Variants in CHN2 observed in about 807,000 individuals in gnomAD.
The protein encoded by CHN2 is beta-chimaerin.
A neutral mutation model predicts 56.3 loss-of-function variants in CHN2; 35 were observed. The ratio of observed to expected loss-of-function variants is 0.62; its 90% confidence interval spans 0.47 to 0.82. The LOEUF (loss-of-function observed/expected upper bound fraction) is 0.82, where lower values mean the gene tolerates loss of function less well. CHN2 is among the 40% of genes least tolerant of loss of function. CHN2 has a pLI of 0.00. For missense variants in CHN2, 491 were observed against 580.5 expected, an observed-to-expected ratio of 0.85 and a Z score of 1.58; for synonymous variants, 210 against 212.8, an observed-to-expected ratio of 0.99 and a Z score of 0.12.
At chr7:29,274,718 A>G (rs939643523) in intron 1 of CHN2, among the ~76,000 whole-genome samples, 1 of 152,186 alleles carries the variant, frequency 6.6e-6, no homozygotes, top group Non-Finnish European at 1.5e-5. Context: ...AACAAACAAA[A>G]CACAACACAT....
intron 2 of CHN2, among the ~76,000 whole-genome samples, chr7:29,366,203 G>A (rs1251370862): frequency 1.3e-5 from 2 of 152,174 alleles, no homozygotes; most frequent in Admixed American, 6.5e-5. Flanking sequence ...GGAGCTTAGA[G>A]GAGGGTTCTG....
intron 2 of CHN2, among the ~76,000 whole-genome samples, chr7:29,163,080 A>G (rs979876588): frequency 1.3e-5 from 2 of 152,208 alleles, no homozygotes; most frequent in African/African-American, 4.8e-5. Context: ...TGATGGATTC[A>G]TGGGATCTGT....
chr7:29,473,662 A>G (rs1045743991), intron 6 of CHN2, among the ~76,000 whole-genome samples: 2 of 151,910 alleles, frequency 1.3e-5, no homozygotes, highest in African/African-American at 4.8e-5. Context: ...ACTGAACCAG[A>G]AACTCTGGGG....
At chr7:29,304,343 A>G (rs1280096752) in intron 1 of CHN2, among the ~76,000 whole-genome samples, 1 of 152,180 alleles carries the variant, frequency 6.6e-6, no homozygotes, top group Non-Finnish European at 1.5e-5. Context: ...CTGAGAGTTA[A>G]GAAACCAAAA....
rs372378794 is a variant in CHN2 at position 29,273,767 on chromosome 7, T to TTGAATTAATGGGATTGAATGAA, written c.49+78778_49+78779insGAATTAATGGGATTGAATGAAT. On this transcript the variant is annotated intron_variant, in intron 1 of 12. Transcript: ENST00000222792. ...TTGTTTTACTTTACTGCAGCTCTGT[T>TTGAATTAATGGGATTGAATGAA]TAGTGTCTGAATTAATGGGAGGTGG... Among the ~76,000 whole-genome samples, 560 of 152,292 alleles carry TTGAATTAATGGGATTGAATGAA rather than the reference T, an allele frequency of 3.7e-3. 3 individuals carry two copies. Among genetic ancestry groups the TTGAATTAATGGGATTGAATGAA allele is most frequent in the African/African-American group, 0.012 (519 of 41,550 alleles).
chr7:29,195,961 T>TA (rs1158976763), intron 1 of CHN2, among the ~76,000 whole-genome samples: 2 of 152,176 alleles, frequency 1.3e-5, no homozygotes, highest in Non-Finnish European at 2.9e-5. Context: ...CCCAAAGGGA[T>TA]AGCTGATAAG....
chr7:29,335,707 G>C (rs1451700212), intron 1 of CHN2: 2 of 152,246 alleles, frequency 1.3e-5, no homozygotes, highest in East Asian at 3.8e-4. Context: ...TCTTTAATCA[G>C]ATCTGCCAGC....
At chr7:29,379,366 A>G (rs995933320) in intron 3 of CHN2, among the ~76,000 whole-genome samples, 9 of 152,342 alleles carry the variant, frequency 5.9e-5, no homozygotes, top group African/African-American at 2.2e-4. Context: ...TGAACATGGA[A>G]GCTAAACTGA....
chr7:29,373,238 G>C (rs1278096050), intron 3 of CHN2, among the ~76,000 whole-genome samples: 1 of 150,656 alleles, frequency 6.6e-6, no homozygotes, highest in African/African-American at 2.4e-5. Context: ...GTGCAGTGGC[G>C]CTATCTTGAC....
intron 6 of CHN2, among the ~76,000 whole-genome samples, chr7:29,411,024 AC>A (rs1352790960): frequency 6.6e-6 from 1 of 152,126 alleles, no homozygotes; most frequent in Non-Finnish European, 1.5e-5. Flanking sequence ...CCACCTTCTT[AC>A]TTTAATCAGA....
At chr7:29,435,496 G>A (rs1783152112) in intron 6 of CHN2, among the ~76,000 whole-genome samples, 1 of 152,222 alleles carries the variant, frequency 6.6e-6, no homozygotes, top group African/African-American at 2.4e-5. Flanking sequence ...TACCTTGGCT[G>A]TATGGTGTGG....
At chr7:29,212,645 A>G in intron 1 of CHN2, 1 of 1,422,548 alleles carries the variant, frequency 7.0e-7, no homozygotes, top group Non-Finnish European at 9.9e-7. Flanking sequence ...TAGATTTCAG[A>G]GACAGAAATA....
intron 1 of CHN2, among the ~76,000 whole-genome samples, chr7:29,267,181 G>T (rs969425781): frequency 3.3e-5 from 5 of 151,792 alleles, no homozygotes; most frequent in Non-Finnish European, 5.9e-5. Flanking sequence ...GCACAACGCT[G>T]TATCTTTATG....
intron 1 of CHN2, among the ~76,000 whole-genome samples, chr7:29,329,201 T>G (rs1796026245): frequency 6.6e-6 from 1 of 152,014 alleles, no homozygotes; most frequent in African/African-American, 2.4e-5. Flanking sequence ...TTGAAGATCA[T>G]TAGCCCAACC....
At chr7:29,171,438 A>G (rs1584539002) in intron 2 of CHN2, among the ~76,000 whole-genome samples, 1 of 152,188 alleles carries the variant, frequency 6.6e-6, no homozygotes, top group South Asian at 2.1e-4. Flanking sequence ...ACTTGTTAGA[A>G]GGAGCGCCAC....
At chr7:29,482,578 C>G (rs761935460) in intron 7 of CHN2, among the ~76,000 whole-genome samples, 10 of 151,990 alleles carry the variant, frequency 6.6e-5, no homozygotes, top group Non-Finnish European at 1.2e-4. Context: ...CTGCCATCTG[C>G]TTGGAATTTG....
intron 11 of CHN2, among the ~76,000 whole-genome samples, chr7:29,507,884 C>T (rs892087907): frequency 1.2e-4 from 18 of 152,256 alleles, no homozygotes; most frequent in African/African-American, 4.1e-4. Context: ...ATGTTCAAAG[C>T]TGTCCTGGGC....
chr7:29,487,399 G>C (rs866831159), intron 7 of CHN2, among the ~76,000 whole-genome samples: 5 of 152,210 alleles, frequency 3.3e-5, no homozygotes, highest in African/African-American at 1.2e-4. Context: ...AAAAAATGTT[G>C]TTTCTGCTCC....
intron 6 of CHN2, among the ~76,000 whole-genome samples, chr7:29,436,346 T>A (rs1562605349): frequency 6.6e-6 from 1 of 152,228 alleles, no homozygotes. Context: ...TTGGCTTTTA[T>A]ATACCTATGC....
Sources: allele counts gnomAD v4.1 joint callset (sites outside exome capture counted in the v4.1 genomes callset), GRCh38; gene constraint gnomAD v4.1.1; transcripts MANE v1.5; gene names NCBI Gene and HGNC (gene_info 2026-07-23, HGNC 2026-07-21).